The following RAPGEF4 variants were observed in gnomAD, a reference collection of about 807,000 sequenced individuals.
RAPGEF4 encodes Rap guanine nucleotide exchange factor 4.
Under a neutral mutation model 147.9 loss-of-function variants are expected in RAPGEF4, and 66 were observed. The observed-to-expected ratio is 0.45, with a 90% CI of 0.37 to 0.55. The LOEUF (loss-of-function observed/expected upper bound fraction) is 0.55, where lower values mean the gene tolerates loss of function less well. Among genes scored for constraint, RAPGEF4 ranks in the 20% least tolerant of loss-of-function variants. RAPGEF4 has a pLI of 0.00. For synonymous variants in RAPGEF4, 419 were observed against 442.7 expected (o/e 0.95, Z 0.67); for missense variants, 1,071 against 1,257.3 (o/e 0.85, Z 2.24).
intron 4 of RAPGEF4, among the ~76,000 whole-genome samples, chr2:172,816,189 T>C (rs971577777): frequency 2.6e-5 from 4 of 152,186 alleles, no homozygotes; most frequent in African/African-American, 9.6e-5. Flanking sequence ...ATACCTTTTA[T>C]AGCTTTGTTT....
chr2:172,911,758 C>CTTTTTT (rs34659758), intron 4 of RAPGEF4, among the ~76,000 whole-genome samples: 1 of 63,220 alleles, frequency 1.6e-5, no homozygotes, highest in African/African-American at 7.1e-5. Flanking sequence ...TGTGCTAAGC[C>CTTTTTT]TTTTTTTTTT....
rs1237795693 is a variant in RAPGEF4, at chr2:172,735,905, A to T, written c.-79A>T. 1 of 1,227,194 alleles carries T rather than the reference A, an allele frequency of 8.1e-7. No individual in the cohort carries two copies. Among genetic ancestry groups the T allele is most frequent in the Non-Finnish European group, 1.0e-6 (1 of 960,618 alleles). 76.0% of individuals were successfully genotyped at this position (1,227,194 alleles called of 1,614,324 possible). Reference sequence around the variant, plus strand: ...GGGAGGAGCGGGGTCCGCGCGGCGGACGAGGCGGGGGCGGAGGCGCAGGCA... The same window carrying T: ...GGGAGGAGCGGGGTCCGCGCGGCGGTCGAGGCGGGGGCGGAGGCGCAGGCA... On this transcript the variant is annotated 5_prime_UTR_variant, in exon 1 of 31. Coordinates refer to ENST00000397081, the MANE Select transcript of RAPGEF4 (RefSeq NM_007023.4).
intron 17 of RAPGEF4, among the ~76,000 whole-genome samples, chr2:173,010,718 A>G (rs970241266): frequency 2.6e-5 from 4 of 152,248 alleles, no homozygotes; most frequent in African/African-American, 9.6e-5. Context: ...TGTTATGGGA[A>G]TGAATAGAAA....
At chr2:172,736,253 A>G (rs1693755133) in intron 1 of RAPGEF4, 2 of 358,794 alleles carry the variant, frequency 5.6e-6, no homozygotes. Context: ...GCATGAGATT[A>G]TTACACGTGG....
At chr2:172,994,943 G>T (rs550884915) in intron 15 of RAPGEF4, among the ~76,000 whole-genome samples, 17 of 151,932 alleles carry the variant, frequency 1.1e-4, no homozygotes, top group Admixed American at 3.3e-4. Context: ...CTTCCTTTTG[G>T]TCTTGTGCGC....
At chr2:172,854,067 G>A (rs962558262) in intron 4 of RAPGEF4, among the ~76,000 whole-genome samples, 6 of 152,034 alleles carry the variant, frequency 3.9e-5, no homozygotes, top group African/African-American at 1.4e-4. Context: ...TGTGCATTCT[G>A]CAGCTGTTGG....
At chr2:172,928,437 C>T in intron 6 of RAPGEF4, 1 of 290,372 alleles carries the variant, frequency 3.4e-6, no homozygotes, top group Non-Finnish European at 6.8e-6. Flanking sequence ...GAACTCTGAT[C>T]CTTCTGTTGT....
chr2:172,739,618 G>A lies in RAPGEF4; in HGVS notation c.65+3570G>A, dbSNP rs754334409. On this transcript the variant is annotated intron_variant, in intron 1 of 30. Transcript: ENST00000397081. The stretch of plus-strand genomic sequence containing the variant: ...ACTCCTGACCTCAGCTGATCCGCTC[G>A]CCTTGGCCTCCCAAAGTGCTGGGAA... Among the ~76,000 whole-genome samples the A allele has an allele frequency of 2.6e-5, 4 of 152,130 alleles. 1 individual carries two copies. In the South Asian group the frequency reaches 6.2e-4, roughly 24 times the overall value.
chr2:172,959,887 C>G (rs777003387), intron 6 of RAPGEF4, among the ~76,000 whole-genome samples: 1 of 152,108 alleles, frequency 6.6e-6, no homozygotes, highest in Non-Finnish European at 1.5e-5. Flanking sequence ...GCCAGGAGTG[C>G]GAGACCAGCC....
intron 17 of RAPGEF4, among the ~76,000 whole-genome samples, chr2:173,009,553 C>T (rs6760256): frequency 0.7 from 106,118 of 152,012 alleles, 37,459 homozygotes; most frequent in East Asian, 1. Context: ...TTTTAGCTCT[C>T]ATACCAGTAG....
Position 172,988,718 on chromosome 2 carries a change from GAGATGA to G in RAPGEF4, c.1254_1259del (p.Asp419_Asp420del). On this transcript the variant is annotated inframe_deletion, in exon 14 of 31. Transcript: ENST00000397081. ...GGTGTGGTCTGCACCCTGCATGAAG[GAGATGA>G]CTTCGGCAAGTTAGCACTAGTGAAT... is the stretch of plus-strand genomic sequence containing the variant. The G allele has an allele frequency of 6.2e-7, 1 of 1,612,944 alleles. No homozygotes were observed. The highest frequency in any genetic ancestry group is 1.1e-5 in the South Asian group (1 of 91,062).
At chr2:173,051,173 G>A (rs1390712929) in intron 30 of RAPGEF4, among the ~76,000 whole-genome samples, 3 of 152,190 alleles carry the variant, frequency 2.0e-5, no homozygotes, top group Non-Finnish European at 4.4e-5. Flanking sequence ...GGGGAGTCAG[G>A]ACTCTGTAGT....
At chr2:172,785,271 T>A (rs1574830146) in intron 1 of RAPGEF4, among the ~76,000 whole-genome samples, 1 of 152,222 alleles carries the variant, frequency 6.6e-6, no homozygotes, top group Non-Finnish European at 1.5e-5. Flanking sequence ...TAACTGTTGT[T>A]ATAGAGAAAA....
intron 4 of RAPGEF4, among the ~76,000 whole-genome samples, chr2:172,840,567 G>A (rs1395906508): frequency 6.6e-6 from 1 of 152,244 alleles, no homozygotes; most frequent in Non-Finnish European, 1.5e-5. Flanking sequence ...CTCAGTAACA[G>A]CCAAGTCTTA....
chr2:172,986,105 A>G (rs1042757357), intron 12 of RAPGEF4, among the ~76,000 whole-genome samples: 5 of 152,250 alleles, frequency 3.3e-5, no homozygotes, highest in African/African-American at 7.2e-5. Context: ...ATAAGCTGGC[A>G]TTCCTTACTA....
chr2:172,736,263 G>A (rs1379443175), intron 1 of RAPGEF4: 2 of 348,464 alleles, frequency 5.7e-6, no homozygotes, highest in Admixed American at 4.9e-5. Context: ...ATTACACGTG[G>A]TGGAGAAAAT....
chr2:172,776,197 A>T (rs994830629), intron 1 of RAPGEF4, among the ~76,000 whole-genome samples: 6 of 152,172 alleles, frequency 3.9e-5, no homozygotes, highest in Non-Finnish European at 5.9e-5. Flanking sequence ...ACATCACTCT[A>T]TTGGATATGA....
Position 173,035,976 on chromosome 2 carries a change from C to T in RAPGEF4, c.2701-149C>T, listed in dbSNP as rs1436932052. On this transcript the variant is annotated intron_variant, in intron 27 of 30. Transcript: ENST00000397081. ...GGGATGGCAGAGGCAGAAGAAAAGC[C>T]ATGTATAAGTGACCCACACAATTCA... 5 of 603,996 alleles carry T rather than the reference C, an allele frequency of 8.3e-6. No homozygotes were observed. In the Admixed American group the frequency reaches 1.3e-4, roughly 16 times the overall value. The allele number at this position is 603,996 out of a possible 1,614,324, so 37.4% of individuals were successfully genotyped here.
intron 29 of RAPGEF4, among the ~76,000 whole-genome samples, chr2:173,044,413 T>A (rs1685177059): frequency 1.3e-5 from 2 of 152,172 alleles, no homozygotes. Context: ...CTACCTCCAC[T>A]CTGCAACGCA....
Sources: gnomAD v4.1 joint callset for allele counts (sites outside exome capture counted in the v4.1 genomes callset) on GRCh38, gnomAD v4.1.1 for gene constraint, MANE v1.5 for transcripts, NCBI Gene and HGNC (gene_info 2026-07-23, HGNC 2026-07-21) for gene names.